THEMIS: variants seen among roughly 807,000 people sequenced by gnomAD.
THEMIS encodes the protein protein THEMIS.
In THEMIS, 37 loss-of-function variants were observed where a neutral mutation model predicts 52.6. The ratio of observed to expected loss-of-function variants is 0.70; its 90% CI spans 0.54 to 0.93. THEMIS has a LOEUF of 0.93. Ranked by LOEUF, THEMIS falls within the 40% of genes least tolerant of loss-of-function variation. The pLI is 0.00. For synonymous variants in THEMIS, 292 were observed against 272.7 expected, an observed-to-expected ratio of 1.07 and a Z score of -0.70; for missense variants, 808 against 763.1, an observed-to-expected ratio of 1.06 and a Z score of -0.69.
chr6:127,773,912 C>G (rs6902933), intron 4 of THEMIS, among the ~76,000 whole-genome samples: 14,025 of 152,216 alleles, frequency 0.092, 700 homozygotes, highest in African/African-American at 0.13. Flanking sequence ...TAACAAATCA[C>G]TGCAAAACTT....
At chr6:127,769,851 C>A (rs1278247808) in intron 4 of THEMIS, among the ~76,000 whole-genome samples, 1 of 152,140 alleles carries the variant, frequency 6.6e-6, no homozygotes, top group African/African-American at 2.4e-5. Context: ...CATTTCCCAC[C>A]TATGAGTGAG....
chr6:127,736,015 A>G (rs1423393286), intron 4 of THEMIS, among the ~76,000 whole-genome samples: 1 of 152,174 alleles, frequency 6.6e-6, no homozygotes, highest in Non-Finnish European at 1.5e-5. Flanking sequence ...GGGCACTAAC[A>G]CTGACCACAT....
chr6:127,872,636 T>C (rs1231540624), intron 1 of THEMIS, among the ~76,000 whole-genome samples: 1 of 151,992 alleles, frequency 6.6e-6, no homozygotes, highest in Non-Finnish European at 1.5e-5. Flanking sequence ...GGATAATCTA[T>C]AAAACAAACA....
chr6:127,835,070 C>G (rs556601509), intron 2 of THEMIS, among the ~76,000 whole-genome samples: 1 of 152,248 alleles, frequency 6.6e-6, no homozygotes, highest in South Asian at 2.1e-4. Flanking sequence ...CTCATTAGTT[C>G]TGCAGAGCAC....
intron 4 of THEMIS, among the ~76,000 whole-genome samples, chr6:127,792,296 A>T (rs1055541771): frequency 1.3e-5 from 2 of 152,246 alleles, no homozygotes; most frequent in Non-Finnish European, 2.9e-5. Flanking sequence ...TACAGCAGGC[A>T]TCATGGGACC....
intron 1 of THEMIS, among the ~76,000 whole-genome samples, chr6:127,869,569 G>T (rs118060183): frequency 0.024 from 3,706 of 152,264 alleles, 57 homozygotes; most frequent in Non-Finnish European, 0.035. Flanking sequence ...TGTATTTGCG[G>T]AGTTCCAGGC....
At chr6:127,788,595 A>G (rs1475888773) in intron 4 of THEMIS, among the ~76,000 whole-genome samples, 6 of 152,212 alleles carry the variant, frequency 3.9e-5, no homozygotes, top group Non-Finnish European at 7.3e-5. Flanking sequence ...TTTTCAGATT[A>G]TAGTACTCTA....
At chr6:127,764,348 G>A (rs755162212) in intron 4 of THEMIS, among the ~76,000 whole-genome samples, 44 of 150,830 alleles carry the variant, frequency 2.9e-4, no homozygotes, top group Non-Finnish European at 5.5e-4. Flanking sequence ...CTATAGTAAC[G>A]TCCATTTAAT....
chr6:127,697,807 AGC>A, the THEMIS span, among the ~76,000 whole-genome samples: 3 of 152,120 alleles, frequency 2.0e-5, no homozygotes, highest in Admixed American at 6.5e-5. Flanking sequence ...CCACTTCTAG[AGC>A]CCCTTTCCTG....
chr6:127,699,317 A>G, the THEMIS span, among the ~76,000 whole-genome samples: 7 of 151,694 alleles, frequency 4.6e-5, no homozygotes, highest in Admixed American at 6.6e-5. Context: ...CTATGTTTGT[A>G]TAACTTCTCA....
chr6:127,903,436 T>C (rs561591350), upstream of THEMIS, among the ~76,000 whole-genome samples: 37 of 151,996 alleles, frequency 2.4e-4, no homozygotes, highest in Non-Finnish European at 5.0e-4. Flanking sequence ...TATATAATAA[T>C]TTACTATTTG....
intron 1 of THEMIS, among the ~76,000 whole-genome samples, chr6:127,860,275 C>T (rs1333765): frequency 0.013 from 1,954 of 151,972 alleles, 42 homozygotes; most frequent in East Asian, 0.025. Flanking sequence ...TAAGTAGACA[C>T]GAAAAAGCAA....
At chr6:127,822,439 G>A (rs879777825) in intron 3 of THEMIS, among the ~76,000 whole-genome samples, 5 of 151,914 alleles carry the variant, frequency 3.3e-5, no homozygotes, top group East Asian at 1.9e-4. Context: ...CCTTTTGAAC[G>A]GCTCTGTAAC....
chr6:127,719,754 C>T lies in THEMIS; in HGVS notation c.1828G>A (p.Gly610Ser), dbSNP rs138041742. 1 of 1,612,336 alleles carries T rather than the reference C, an allele frequency of 6.2e-7. No individual in the cohort carries two copies. Among genetic ancestry groups the T allele is most frequent in the Admixed American group, 1.7e-5 (1 of 59,808 alleles). ...QAGLDSKVLI[G>S]SQNDLVDEEK... is the part of the protein sequence containing the mutation. Reference sequence around the variant, plus strand: ...TCATCCACCAAATCATTCTGACTACCAATCAGTACTTTTGAATCCAGGCCA... The same window carrying T: ...TCATCCACCAAATCATTCTGACTACTAATCAGTACTTTTGAATCCAGGCCA... The change falls in exon 5 of 6, where the codon GGT (glycine) becomes AGT (serine). Residue 610 changes from glycine to serine, a missense_variant. By Grantham distance (56) the Gly-to-Ser change is moderately conservative. Transcript: ENST00000368248.
intron 4 of THEMIS, among the ~76,000 whole-genome samples, chr6:127,764,556 T>A (rs1776129894): frequency 6.6e-6 from 1 of 152,026 alleles, no homozygotes; most frequent in Non-Finnish European, 1.5e-5. Context: ...TATCCACTCC[T>A]TGACTATTTC....
At chr6:127,777,490 A>G (rs929020453) in intron 4 of THEMIS, among the ~76,000 whole-genome samples, 2 of 152,214 alleles carry the variant, frequency 1.3e-5, no homozygotes, top group East Asian at 3.8e-4. Context: ...TACAAGACAG[A>G]GAAAAGATTT....
At chr6:127,880,439 T>C (rs907114480) in intron 1 of THEMIS, among the ~76,000 whole-genome samples, 2 of 152,010 alleles carry the variant, frequency 1.3e-5, no homozygotes, top group Admixed American at 1.3e-4. Flanking sequence ...TTAGTCATTT[T>C]AAAAATCAGG....
rs117524219 is a variant in THEMIS, at chr6:127,778,359, C to T, written c.1758+34524G>A. The stretch of plus-strand genomic sequence containing the variant: ...CAATGGTAGATTTATATATAATCAA[C>T]GAACATCTGTTTCCATTCTTTTACT... On this transcript the variant is annotated intron_variant, in intron 4 of 5. Coordinates refer to ENST00000368248, the MANE Select transcript of THEMIS (RefSeq NM_001010923.3). Among the ~76,000 whole-genome samples the T allele has an allele frequency of 4.0e-3, 607 of 152,160 alleles. 2 individuals are homozygous for T. Among genetic ancestry groups the T allele is most frequent in the Non-Finnish European group, 5.2e-3 (351 of 67,940 alleles).
At chr6:127,855,906 A>T (rs1016970925) in intron 1 of THEMIS, among the ~76,000 whole-genome samples, 4 of 151,974 alleles carry the variant, frequency 2.6e-5, no homozygotes, top group African/African-American at 9.7e-5. Flanking sequence ...AGTGAGGAGT[A>T]AAATAACCAC....
Sources: allele counts gnomAD v4.1 joint callset (sites outside exome capture counted in the v4.1 genomes callset), GRCh38; gene constraint gnomAD v4.1.1; transcripts MANE v1.5; gene names NCBI Gene and HGNC (gene_info 2026-07-23, HGNC 2026-07-21).